CNTNAP2: variants seen among roughly 807,000 people sequenced by gnomAD.
The protein encoded by CNTNAP2 is contactin-associated protein-like 2.
CNTNAP2 carries 98 observed loss-of-function variants against 155.2 expected under a neutral mutation model. The observed-to-expected ratio is 0.63, with a 90% CI of 0.54 to 0.75. CNTNAP2 has a LOEUF of 0.75. Ranked by LOEUF, CNTNAP2 falls within the 30% of genes least tolerant of loss-of-function variation. CNTNAP2 has a pLI of 0.00. For missense variants in CNTNAP2, 1,727 were observed against 1,688.1 expected, an observed-to-expected ratio of 1.02 and a Z score of -0.40; for synonymous variants, 651 against 631.2, an observed-to-expected ratio of 1.03 and a Z score of -0.47.
chr7:148,067,103 A>C (rs2116522555), intron 15 of CNTNAP2, among the ~76,000 whole-genome samples: 1 of 152,184 alleles, frequency 6.6e-6, no homozygotes, highest in Non-Finnish European at 1.5e-5. Context: ...TTTTCTGGCA[A>C]TTTGAAGATT....
intron 22 of CNTNAP2, among the ~76,000 whole-genome samples, chr7:148,389,474 T>C (rs1037501710): frequency 1.3e-5 from 2 of 152,184 alleles, no homozygotes; most frequent in Non-Finnish European, 2.9e-5. Flanking sequence ...CCATTAAACC[T>C]CTTTCCTGTA....
chr7:148,372,267 A>C (rs546295645), intron 21 of CNTNAP2, among the ~76,000 whole-genome samples: 2 of 152,266 alleles, frequency 1.3e-5, no homozygotes, highest in South Asian at 4.2e-4. Context: ...ACAGGAATGA[A>C]GCTTGGCAGG....
intron 13 of CNTNAP2, among the ~76,000 whole-genome samples, chr7:147,726,629 A>G (rs562131920): frequency 2.0e-5 from 3 of 152,082 alleles, no homozygotes; most frequent in Non-Finnish European, 2.9e-5. Flanking sequence ...GTCAGGTCAC[A>G]ATGCTCCTAT....
At chr7:148,145,958 G>A (rs543762156) in intron 16 of CNTNAP2, among the ~76,000 whole-genome samples, 1 of 152,288 alleles carries the variant, frequency 6.6e-6, no homozygotes, top group East Asian at 1.9e-4. Context: ...GTACAATTAG[G>A]TTGATTAAAT....
At chr7:148,290,804 C>T (rs1439824408) in intron 21 of CNTNAP2, among the ~76,000 whole-genome samples, 1 of 152,198 alleles carries the variant, frequency 6.6e-6, no homozygotes, top group Non-Finnish European at 1.5e-5. Flanking sequence ...TATTCTGGCT[C>T]TAAACACAGG....
intron 13 of CNTNAP2, among the ~76,000 whole-genome samples, chr7:147,745,186 G>T (rs1403263034): frequency 6.6e-6 from 1 of 152,186 alleles, no homozygotes; most frequent in African/African-American, 2.4e-5. Context: ...CTGCCTCTCT[G>T]TGACTGAATC....
intron 4 of CNTNAP2, among the ~76,000 whole-genome samples, chr7:147,063,598 A>C (rs1357056952): frequency 2.0e-5 from 3 of 152,152 alleles, no homozygotes; most frequent in Admixed American, 6.6e-5. Context: ...GTCTACACTT[A>C]AGCTATTTTT....
intron 14 of CNTNAP2, among the ~76,000 whole-genome samples, chr7:147,964,270 A>G (rs1202290151): frequency 6.6e-6 from 1 of 152,090 alleles, no homozygotes; most frequent in Non-Finnish European, 1.5e-5. Context: ...TTTCAAAACT[A>G]CCAGAATATA....
intron 11 of CNTNAP2, among the ~76,000 whole-genome samples, chr7:147,495,670 G>A (rs866358851): frequency 6.6e-6 from 1 of 152,222 alleles, no homozygotes; most frequent in Non-Finnish European, 1.5e-5. Context: ...AATCATGGGT[G>A]AAGCTGGCCC....
chr7:147,364,454 G>C (rs1167051011), intron 9 of CNTNAP2, among the ~76,000 whole-genome samples: 1 of 152,146 alleles, frequency 6.6e-6, no homozygotes. Context: ...GTCATGTGAA[G>C]AAACATGCTG....
At chr7:147,186,622 A>G (rs968173820) in intron 8 of CNTNAP2, among the ~76,000 whole-genome samples, 1 of 152,170 alleles carries the variant, frequency 6.6e-6, no homozygotes, top group African/African-American at 2.4e-5. Context: ...AGAGCTATGT[A>G]AAAAGTACAC....
At chr7:146,674,764 G>C (rs1800368559) in intron 1 of CNTNAP2, among the ~76,000 whole-genome samples, 1 of 152,114 alleles carries the variant, frequency 6.6e-6, no homozygotes, top group Non-Finnish European at 1.5e-5. Context: ...TTAATCCCTG[G>C]GTGGCCGGAG....
intron 20 of CNTNAP2, among the ~76,000 whole-genome samples, chr7:148,264,895 A>G (rs1308733251): frequency 6.6e-6 from 1 of 151,934 alleles, no homozygotes; most frequent in Non-Finnish European, 1.5e-5. Flanking sequence ...GGGTTTCATC[A>G]TGTTGGCCAG....
intron 15 of CNTNAP2, among the ~76,000 whole-genome samples, chr7:148,098,891 A>G (rs1490151939): frequency 6.6e-6 from 1 of 152,140 alleles, no homozygotes; most frequent in African/African-American, 2.4e-5. Flanking sequence ...ATAAAGTAGC[A>G]TCTGTTTCAG....
chr7:146,871,137 A>G (rs553319916), intron 3 of CNTNAP2, among the ~76,000 whole-genome samples: 2 of 152,218 alleles, frequency 1.3e-5, no homozygotes, highest in African/African-American at 4.8e-5. Flanking sequence ...TTTTATGTAT[A>G]TGTGACGAAT....
At chr7:146,270,788 C>T (rs962951565) in intron 1 of CNTNAP2, among the ~76,000 whole-genome samples, 9 of 151,866 alleles carry the variant, frequency 5.9e-5, no homozygotes, top group Non-Finnish European at 5.9e-5. Flanking sequence ...ATTTAATTGT[C>T]GATAAAAAGC....
At chr7:146,884,718 A>C (rs1434561332) in intron 3 of CNTNAP2, among the ~76,000 whole-genome samples, 2 of 152,146 alleles carry the variant, frequency 1.3e-5, no homozygotes, top group Admixed American at 1.3e-4. Flanking sequence ...CCCATGTCTA[A>C]CTGGGGCCAA....
chr7:148,023,326 A>C (rs185309512), intron 15 of CNTNAP2, among the ~76,000 whole-genome samples: 5 of 152,376 alleles, frequency 3.3e-5, no homozygotes, highest in African/African-American at 1.2e-4. Context: ...CATAATTTTT[A>C]GCCCAGAAAG....
intron 1 of CNTNAP2, among the ~76,000 whole-genome samples, chr7:146,304,560 T>C (rs999492542): frequency 6.6e-6 from 1 of 152,100 alleles, no homozygotes; most frequent in African/African-American, 2.4e-5. Flanking sequence ...AAATTCTGGG[T>C]TGGAAACTCT....
Sources: gnomAD v4.1 joint callset for allele counts (sites outside exome capture counted in the v4.1 genomes callset) on GRCh38, gnomAD v4.1.1 for gene constraint, MANE v1.5 for transcripts, NCBI Gene and HGNC (gene_info 2026-07-23, HGNC 2026-07-21) for gene names.